Variants in GPRC5D observed in about 807,000 individuals in gnomAD.
The protein encoded by GPRC5D is G protein-coupled receptor class C group 5 member D, also known as G protein-coupled receptor family C group 5 member D.
Under a neutral mutation model 29.3 loss-of-function variants are expected in GPRC5D, and 20 were observed. That is an observed-to-expected ratio of 0.68 (90% CI 0.48 to 0.99). The LOEUF (loss-of-function observed/expected upper bound fraction) is 0.99, where lower values mean the gene tolerates loss of function less well. GPRC5D is among the 50% of genes least tolerant of loss of function. The pLI, the probability that GPRC5D is intolerant of heterozygous loss-of-function variation, is 0.00. For missense variants in GPRC5D, 384 were observed against 423.6 expected, an observed-to-expected ratio of 0.91 and a Z score of 0.82; for synonymous variants, 178 against 171.3, an observed-to-expected ratio of 1.04 and a Z score of -0.30.
At chr12:12,950,026 C>G (rs773772528) in exon 1 of GPRC5D, 3 of 1,614,136 alleles carry the variant, frequency 1.9e-6, no homozygotes, top group East Asian at 4.5e-5. Flanking sequence ...GGAGACACAA[C>G]CCCGAACCAG....
chr12:12,949,500 C>G, exon 1 of GPRC5D: 1 of 1,613,020 alleles, frequency 6.2e-7, no homozygotes, highest in South Asian at 1.1e-5. Context: ...CTCTGGAGAG[C>G]TCCTGGTTCT....
In GPRC5D at chr12:12,944,803, TTCC is replaced by T. The variant is rs1213553950; in HGVS notation, c.896-2478_896-2476del. 8.1e-3 allele frequency among the ~76,000 whole-genome samples: 63 copies of T among 7,758 alleles called. 11 individuals carry two copies. Among genetic ancestry groups the T allele is most frequent in the African/African-American group, 0.012 (60 of 4,838 alleles). 5.1% of individuals were successfully genotyped at this position (7,758 alleles called of 152,430 possible). On this transcript the variant is annotated intron_variant, in intron 1 of 2. Transcript: ENST00000228887. ...TTCCTTCCTTCCTTCCTTCCTTCCC[TTCC>T]TTCCTTCCTTCCTTCCTTCCTTCCT...
At chr12:12,951,432 C>T (rs1863493964), upstream of GPRC5D, among the ~76,000 whole-genome samples, 1 of 152,168 alleles carries the variant, frequency 6.6e-6, no homozygotes, top group Admixed American at 6.6e-5. Flanking sequence ...TGCCATCACA[C>T]ATATTACCCC....
At chr12:12,950,085 A>G in exon 1 of GPRC5D, 1 of 1,614,150 alleles carries the variant, frequency 6.2e-7, no homozygotes, top group Non-Finnish European at 8.5e-7. Flanking sequence ...AACAGAGAGC[A>G]AAGAGAACCC....
chr12:12,949,935 G>A (rs754901405), exon 1 of GPRC5D: 55 of 1,613,584 alleles, frequency 3.4e-5, no homozygotes, highest in Non-Finnish European at 4.6e-5. Context: ...TGGTCATGAT[G>A]AGAGTCACAT....
intron 1 of GPRC5D, 107 bp downstream of exon 2, chr12:12,949,383 C>T: frequency 1.0e-6 from 1 of 959,140 alleles, no homozygotes; most frequent in Non-Finnish European, 1.6e-6. Flanking sequence ...CACCCCAAAT[C>T]TGACCATTTT....
At chr12:12,942,834 C>T (rs900689041) in intron 1 of GPRC5D, among the ~76,000 whole-genome samples, 3 of 152,122 alleles carry the variant, frequency 2.0e-5, no homozygotes, top group African/African-American at 4.8e-5. Context: ...GCGTGGGTAG[C>T]GTGTGAGTGT....
intron 2 of GPRC5D, among the ~76,000 whole-genome samples, chr12:12,941,788 T>C (rs932979389): frequency 2.4e-4 from 37 of 152,238 alleles, no homozygotes; most frequent in Non-Finnish European, 5.1e-4. Flanking sequence ...GATGATGACA[T>C]ACCCTGCCCA....
chr12:12,945,419 A>G (rs1863289907), intron 1 of GPRC5D, among the ~76,000 whole-genome samples: 1 of 152,226 alleles, frequency 6.6e-6, no homozygotes, highest in African/African-American at 2.4e-5. Flanking sequence ...TCATAAAACA[A>G]TTCATAGCTG....
chr12:12,942,252 T>C lies in GPRC5D; in HGVS notation c.963+9A>G. 1 of 1,572,946 alleles carries C rather than the reference T, an allele frequency of 6.4e-7. No individual in the cohort carries two copies. The highest frequency in any genetic ancestry group is 8.8e-7 in the Non-Finnish European group (1 of 1,142,564). On this transcript the variant is annotated intron_variant, in intron 2 of 2. Transcript: ENST00000228887. ...TCCCTCCTGGGTGAATATAGGCGAG[T>C]ACATTTACCTGCGGCTGAATGGGAG...
chr12:12,946,293 TTCC>T (rs879511865), intron 1 of GPRC5D, among the ~76,000 whole-genome samples: 12,313 of 43,020 alleles, frequency 0.29, 590 homozygotes, highest in East Asian at 0.33. Flanking sequence ...CCTTCCTTTC[TTCC>T]TTCCTTCCTT....
chr12:12,940,916 T>C (rs1863129183), intron 2 of GPRC5D, 67 bp from the exon 4 acceptor site: 1 of 1,122,374 alleles, frequency 8.9e-7, no homozygotes, highest in South Asian at 1.2e-5. Flanking sequence ...TCCAAAGTTA[T>C]GTTTTTGTTT....
At chr12:12,944,171 A>G (rs1004808885) in intron 1 of GPRC5D, among the ~76,000 whole-genome samples, 3 of 152,140 alleles carry the variant, frequency 2.0e-5, no homozygotes, top group Non-Finnish European at 4.4e-5. Flanking sequence ...TGGCGCAATC[A>G]TAGCTCACTG....
chr12:12,944,802 C>T (rs183436292), intron 1 of GPRC5D, among the ~76,000 whole-genome samples: 3,296 of 11,984 alleles, frequency 0.28, 784 homozygotes, highest in Middle Eastern at 0.46. Context: ...CCTTCCTTCC[C>T]TTCCTTCCTT....
At chr12:12,943,245 T>A (rs1481610062) in intron 1 of GPRC5D, among the ~76,000 whole-genome samples, 1 of 152,202 alleles carries the variant, frequency 6.6e-6, no homozygotes, top group East Asian at 1.9e-4. Flanking sequence ...GCTGTGCCTG[T>A]CTCTAAGAGC....
At chr12:12,944,827 TTCCTTCC>T (rs1863246966) in intron 1 of GPRC5D, among the ~76,000 whole-genome samples, 6 of 9,934 alleles carry the variant, frequency 6.0e-4, no homozygotes, top group Admixed American at 1.9e-3. Flanking sequence ...CCTTCCTTCC[TTCCTTCC>T]TTCCTTCCTT....
chr12:12,941,160 C>G (rs1863136212), intron 2 of GPRC5D, among the ~76,000 whole-genome samples: 1 of 152,186 alleles, frequency 6.6e-6, no homozygotes, highest in South Asian at 2.1e-4. Context: ...ATCCGCCCAC[C>G]TCACCCTCCC....
intron 2 of GPRC5D, among the ~76,000 whole-genome samples, chr12:12,941,960 C>G (rs1863160373): frequency 6.6e-6 from 1 of 152,232 alleles, no homozygotes; most frequent in Non-Finnish European, 1.5e-5. Flanking sequence ...GGTAAGCCTG[C>G]TGCTCTTCAC....
chr12:12,951,172 G>A (rs1863486499), upstream of GPRC5D, among the ~76,000 whole-genome samples: 1 of 152,128 alleles, frequency 6.6e-6, no homozygotes, highest in Non-Finnish European at 1.5e-5. Context: ...AACCGCAACT[G>A]CTTTCGCACC....
Sources: allele counts gnomAD v4.1 joint callset (sites outside exome capture counted in the v4.1 genomes callset), GRCh38; gene constraint gnomAD v4.1.1; transcripts MANE v1.5; gene names NCBI Gene and HGNC (gene_info 2026-07-23, HGNC 2026-07-21).